Variants in MRPL24 observed in about 807,000 individuals in gnomAD.
The protein encoded by MRPL24 is mitochondrial ribosomal protein L24, also known as large ribosomal subunit protein uL24m.
In MRPL24, 15 loss-of-function variants were observed where a neutral mutation model predicts 26.9. That is an observed-to-expected ratio of 0.56 (90% CI 0.37 to 0.86). MRPL24 has a LOEUF of 0.86. MRPL24 is among the 40% of genes least tolerant of loss of function. The pLI, the probability that MRPL24 is intolerant of heterozygous loss-of-function variation, is 0.00. For missense variants in MRPL24, 241 were observed against 281.4 expected, an observed-to-expected ratio of 0.86 and a Z score of 1.03; for synonymous variants, 92 against 102.4, an observed-to-expected ratio of 0.90 and a Z score of 0.62.
In MRPL24 at chr1:156,738,573, C is replaced by A; in HGVS notation, c.132G>T (p.Val44=). 6.2e-7 allele frequency: 1 copy of A among 1,614,108 alleles called. No individual in the cohort carries two copies. Among genetic ancestry groups the A allele is most frequent in the Non-Finnish European group, 8.5e-7 (1 of 1,180,016 alleles). Residue 44 remains valine, a synonymous_variant, in exon 2 of 6, where the codon GTG becomes GTT. Coordinates refer to ENST00000361531, the MANE Select transcript of MRPL24 (RefSeq NM_145729.3). ...KNPPWIRRRP[V]VVEPISDEDW... is the part of the protein sequence containing the mutation. ...CTTCATCAGAGATGGGTTCCACAAC[C>A]ACTGGGCGCCGCCTGATCCATGGGG...
chr1:156,738,477 C>T, intron 2 of MRPL24, 39 bp from the exon 3 acceptor site: 1 of 1,612,818 alleles, frequency 6.2e-7, no homozygotes, highest in Non-Finnish European at 8.5e-7. Context: ...GGGATCCTTG[C>T]CCAGGAGGTT....
chr1:156,742,032 A>G (rs1650158032), upstream of MRPL24: 1 of 152,672 alleles, frequency 6.5e-6, no homozygotes, highest in African/African-American at 2.4e-5. Context: ...TGACCTGGAA[A>G]TCATTTGCAT....
Position 156,737,503 on chromosome 1 carries a change from A to T in MRPL24, c.546T>A (p.Ala182=). The T allele has an allele frequency of 6.2e-7, 1 of 1,610,840 alleles. No homozygotes were observed. Among genetic ancestry groups the T allele is most frequent in the Non-Finnish European group, 8.5e-7 (1 of 1,178,512 alleles). ...DGPKDTSVED[A]LERTYVPCLK... is the part of the protein sequence containing the mutation. ...GACAGGGCACATAGGTTCTTTCTAA[A>T]GCATCTTCCACTGATGTGTCTTTGG... The change falls in exon 6 of 6, where the codon GCT becomes GCA. Residue 182 remains alanine, a synonymous_variant. Transcript: ENST00000361531.
rs760632045 is a variant in MRPL24 at position 156,738,566 on chromosome 1, C to T, written c.139G>A (p.Glu47Lys). 1.2e-6 allele frequency: 2 copies of T among 1,613,980 alleles called. No individual in the cohort carries two copies. Among genetic ancestry groups the T allele is most frequent in the African/African-American group, 1.3e-5 (1 of 74,880 alleles). ...TACCAGTCTTCATCAGAGATGGGTT[C>T]CACAACCACTGGGCGCCGCCTGATC... ...PWIRRRPVVV[E>K]PISDEDWYLF... Residue 47 changes from glutamate to lysine, a missense_variant, in exon 2 of 6, where the codon GAA becomes AAA. Transcript: ENST00000361531.
rs1649895657 is a variant in MRPL24, at chr1:156,737,317, T to C, written c.*81A>G. 1 of 1,450,818 alleles carries C rather than the reference T, an allele frequency of 6.9e-7. No individual in the cohort carries two copies. Among genetic ancestry groups the C allele is most frequent in the South Asian group, 1.4e-5 (1 of 72,688 alleles). 89.9% of individuals were successfully genotyped at this position (1,450,818 alleles called of 1,614,324 possible). A position where few individuals can be genotyped will look rare whatever the true frequency, so the allele number is the denominator to read the frequency against. On this transcript the variant is annotated 3_prime_UTR_variant, in exon 6 of 6. Transcript: ENST00000361531. Reference sequence around the variant, plus strand: ...GTACACAGGAGGACTCATAAAGTGCTCTTTATTGGCATCTGAAAAAGAAGT... The same window carrying C: ...GTACACAGGAGGACTCATAAAGTGCCCTTTATTGGCATCTGAAAAAGAAGT...
intron 3 of MRPL24, 82 bp downstream of exon 3, chr1:156,738,261 C>T: frequency 6.5e-7 from 1 of 1,542,014 alleles, no homozygotes; most frequent in Non-Finnish European, 9.0e-7. Context: ...CAGCCAGTCT[C>T]CTGCCACCCT....
rs1382122094 is a variant in MRPL24, at chr1:156,737,489, T to C, written c.560A>G (p.Tyr187Cys). The C allele has an allele frequency of 5.6e-6, 9 of 1,612,008 alleles. No homozygotes were observed. Among genetic ancestry groups the C allele is most frequent in the Admixed American group, 1.7e-5 (1 of 59,570 alleles). Residue 187 changes from tyrosine (Y) to cysteine (C), a missense_variant, in exon 6 of 6, where the codon TAT becomes TGT. Tyr to Cys is a radical substitution (Grantham distance 194, BLOSUM62 -2). Transcript: ENST00000361531. ...TSVEDALERT[Y>C]VPCLKTLQEE... Reference sequence around the variant, plus strand: ...CTGCAGTGTCTTTAGACAGGGCACATAGGTTCTTTCTAAAGCATCTTCCAC... The same window carrying C: ...CTGCAGTGTCTTTAGACAGGGCACACAGGTTCTTTCTAAAGCATCTTCCAC...
In MRPL24 at chr1:156,738,537, C is replaced by T. The variant is rs370498331; in HGVS notation, c.168G>A (p.Leu56=). 3.7e-6 allele frequency: 6 copies of T among 1,614,038 alleles called. No homozygotes were observed. The highest frequency in any genetic ancestry group is 5.1e-6 in the Non-Finnish European group (6 of 1,180,024). The change falls in exon 2 of 6, where the codon CTG becomes CTA. Residue 56 remains leucine, a synonymous_variant. Coordinates refer to ENST00000361531, the MANE Select transcript of MRPL24 (RefSeq NM_145729.3). ...AGGCTCTCACCGTGTCCCCACAGAA[C>T]AGATACCAGTCTTCATCAGAGATGG... ...VEPISDEDWY[L]FCGDTVEILE...
chr1:156,738,561 G>A lies in MRPL24; in HGVS notation c.144C>T (p.Pro48=), dbSNP rs1649970394. 3 of 1,613,976 alleles carry A rather than the reference G, an allele frequency of 1.9e-6. No homozygotes were observed. The highest frequency in any genetic ancestry group is 1.3e-5 in the African/African-American group (1 of 74,862). Residue 48 remains proline, a synonymous_variant, in exon 2 of 6, where the codon CCC becomes CCT. Transcript: ENST00000361531. ...ACAGATACCAGTCTTCATCAGAGAT[G>A]GGTTCCACAACCACTGGGCGCCGCC... ...WIRRRPVVVE[P]ISDEDWYLFC...
At chr1:156,737,826 C>T in intron 4 of MRPL24, 50 bp from the exon 5 acceptor site, 1 of 1,604,042 alleles carries the variant, frequency 6.2e-7, no homozygotes, top group Non-Finnish European at 8.5e-7. Context: ...CTTCCTGCCA[C>T]CCTCCAACCC....
rs371281956 is a variant in MRPL24 at position 156,737,546 on chromosome 1, G to C, written c.515-12C>G. 6.2e-7 allele frequency: 1 copy of C among 1,604,612 alleles called. No individual in the cohort carries two copies. The highest frequency in any genetic ancestry group is 2.2e-5 in the East Asian group (1 of 44,848). ...GTCTTTGGGGCCATCTGTTAAGCCAGAGGAAACTTAGATGGGTGGGAGGGC... is the reference window on the plus strand; with the variant it reads ...GTCTTTGGGGCCATCTGTTAAGCCACAGGAAACTTAGATGGGTGGGAGGGC... On this transcript the variant is annotated splice_polypyrimidine_tract_variant and intron_variant, in intron 5 of 5. Coordinates refer to ENST00000361531, the MANE Select transcript of MRPL24 (RefSeq NM_145729.3).
chr1:156,740,428 CA>C (rs1650043053), intron 1 of MRPL24: 1 of 152,116 alleles, frequency 6.6e-6, no homozygotes, highest in African/African-American at 2.4e-5. Context: ...TGTGAGTATT[CA>C]ACAAATGCTT....
intron 1 of MRPL24, chr1:156,740,418 TG>T (rs889327963): frequency 4.6e-5 from 7 of 152,190 alleles, no homozygotes; most frequent in African/African-American, 1.7e-4. Flanking sequence ...TAAGTGTTCC[TG>T]TGAGTATTCA....
chr1:156,737,908 G>A (rs1649932702), intron 4 of MRPL24, 123 bp downstream of exon 4: 2 of 1,431,880 alleles, frequency 1.4e-6, no homozygotes, highest in Non-Finnish European at 1.9e-6. Context: ...GTTACCCGCA[G>A]GGAATCATGT....
upstream of MRPL24, chr1:156,741,351 G>C (rs1001253811): frequency 6.6e-6 from 1 of 152,216 alleles, no homozygotes; most frequent in African/African-American, 2.4e-5. Context: ...CTGCGTGGAG[G>C]CCGCTGGGAA....
chr1:156,737,904 C>T (rs921312132), intron 4 of MRPL24, 127 bp downstream of exon 4: 3 of 1,460,480 alleles, frequency 2.1e-6, no homozygotes, highest in Non-Finnish European at 2.8e-6. Flanking sequence ...TGGGGTTACC[C>T]GCAGGGAATC....
Position 156,738,726 on chromosome 1 carries a change from C to T in MRPL24, c.-22G>A, listed in dbSNP as rs1649981851. On this transcript the variant is annotated 5_prime_UTR_variant, in exon 2 of 6. Transcript: ENST00000361531. Reference sequence around the variant, plus strand: ...GCATGCCTGGAGGTTGTAAGAAATCCCTTTGCCAGCAAAACGCTCGAAACC... The same window carrying T: ...GCATGCCTGGAGGTTGTAAGAAATCTCTTTGCCAGCAAAACGCTCGAAACC... 6.4e-7 allele frequency: 1 copy of T among 1,559,282 alleles called. No individual in the cohort carries two copies. Among genetic ancestry groups the T allele is most frequent in the African/African-American group, 1.4e-5 (1 of 72,022 alleles).
chr1:156,737,381 G>C lies in MRPL24; in HGVS notation c.*17C>G. Reference sequence around the variant, plus strand: ...AGGCTGGGACAGAAGTTGGGGAGGAGCTGCTCTGCCCCAGGCTCAATACCA... The same window carrying C: ...AGGCTGGGACAGAAGTTGGGGAGGACCTGCTCTGCCCCAGGCTCAATACCA... On this transcript the variant is annotated 3_prime_UTR_variant, in exon 6 of 6. Transcript: ENST00000361531. The C allele has an allele frequency of 1.3e-6, 2 of 1,545,680 alleles. No homozygotes were observed. Among genetic ancestry groups the C allele is most frequent in the Non-Finnish European group, 1.7e-6 (2 of 1,153,144 alleles).
chr1:156,737,546 G>A lies in MRPL24; in HGVS notation c.515-12C>T. The A allele has an allele frequency of 6.2e-7, 1 of 1,604,612 alleles. No homozygotes were observed. The highest frequency in any genetic ancestry group is 8.5e-7 in the Non-Finnish European group (1 of 1,174,954). On this transcript the variant is annotated splice_polypyrimidine_tract_variant and intron_variant, in intron 5 of 5. Coordinates refer to ENST00000361531, the MANE Select transcript of MRPL24 (RefSeq NM_145729.3). ...GTCTTTGGGGCCATCTGTTAAGCCA[G>A]AGGAAACTTAGATGGGTGGGAGGGC... is the stretch of plus-strand genomic sequence containing the variant.
Sources: allele counts gnomAD v4.1 joint callset, GRCh38; gene constraint gnomAD v4.1.1; transcripts MANE v1.5; gene names NCBI Gene and HGNC (gene_info 2026-07-23, HGNC 2026-07-21).